Variants in PGGT1B observed in about 807,000 individuals in gnomAD.
PGGT1B encodes the protein protein geranylgeranyltransferase type I subunit beta, also known as geranylgeranyl transferase type-1 subunit beta.
Under a neutral mutation model 46.1 loss-of-function variants are expected in PGGT1B, and 30 were observed. The observed-to-expected ratio is 0.65, with a 90% CI of 0.49 to 0.88. PGGT1B has a LOEUF of 0.88. PGGT1B is among the 40% of genes least tolerant of loss of function. The pLI is 0.00. For synonymous variants in PGGT1B, 170 were observed against 160.0 expected (o/e 1.06, Z -0.47); for missense variants, 376 against 455.9 (o/e 0.82, Z 1.60).
intron 6 of PGGT1B, among the ~76,000 whole-genome samples, chr5:115,230,323 C>T (rs1180117648): frequency 6.6e-6 from 1 of 152,114 alleles, no homozygotes; most frequent in East Asian, 1.9e-4. Flanking sequence ...GTGAAATTCA[C>T]TCAGAGAGTC....
At chr5:115,262,505 G>A (rs1748604319) in intron 1 of PGGT1B, 1 of 552,288 alleles carries the variant, frequency 1.8e-6, no homozygotes, top group Non-Finnish European at 3.2e-6. Flanking sequence ...AACTGGAGAT[G>A]CCACAGCCCT....
intron 6 of PGGT1B, among the ~76,000 whole-genome samples, chr5:115,225,093 T>C (rs1343795781): frequency 6.6e-6 from 1 of 152,196 alleles, no homozygotes; most frequent in East Asian, 1.9e-4. Flanking sequence ...TATAATGATT[T>C]GAATTCATCA....
At chr5:115,262,622 TC>T (rs1748613253) in intron 1 of PGGT1B, 89 bp downstream of exon 1, 1 of 1,443,524 alleles carries the variant, frequency 6.9e-7, no homozygotes, top group Non-Finnish European at 9.4e-7. Flanking sequence ...GCAGCCCCCT[TC>T]CGGCGCCCAG....
At chr5:115,222,948 TCACA>T (rs1343048769) in intron 6 of PGGT1B, among the ~76,000 whole-genome samples, 1 of 151,980 alleles carries the variant, frequency 6.6e-6, no homozygotes, top group East Asian at 1.9e-4. Flanking sequence ...GTGGGGAACA[TCACA>T]CACCGGGGCC....
At chr5:115,236,548 T>G in intron 4 of PGGT1B, 26 bp from the exon 5 acceptor site, 1 of 1,496,044 alleles carries the variant, frequency 6.7e-7, no homozygotes, top group Non-Finnish European at 8.9e-7. Context: ...ACAATATGAT[T>G]TTCTATTAAC....
In PGGT1B at chr5:115,238,017, C is replaced by A; in HGVS notation, c.328-8G>T. 2 of 1,579,422 alleles carry A rather than the reference C, an allele frequency of 1.3e-6. No homozygotes were observed. Among genetic ancestry groups the A allele is most frequent in the Non-Finnish European group, 1.7e-6 (2 of 1,162,734 alleles). ...ATGAGCTGTTCCAGGAGCCTAAATA[C>A]AAAATTAATATAGTACTAATTAATG... On this transcript the variant is annotated splice_polypyrimidine_tract_variant and splice_region_variant and intron_variant, in intron 3 of 8. Coordinates refer to ENST00000419445, the MANE Select transcript of PGGT1B (RefSeq NM_005023.4).
In PGGT1B at chr5:115,217,299, C is replaced by CTCT. The variant is rs1370280586; in HGVS notation, c.844-327_844-326insAGA. Among the ~76,000 whole-genome samples, 58 of 151,936 alleles carry CTCT rather than the reference C, an allele frequency of 3.8e-4. 1 individual carries two copies. Among genetic ancestry groups the CTCT allele is most frequent in the Non-Finnish European group, 7.2e-4 (49 of 67,818 alleles). On this transcript the variant is annotated intron_variant, in intron 7 of 8. Transcript: ENST00000419445. ...ATTTTAAAAAGTACAATTTTATCTACCCATATTTTAACTCTTATGATAAGC... is the reference window on the plus strand; with the variant it reads ...ATTTTAAAAAGTACAATTTTATCTACTCTCCATATTTTAACTCTTATGATAAGC...
Position 115,260,044 on chromosome 5 carries a change from C to A in PGGT1B, c.140+2668G>T, listed in dbSNP as rs916941184. Among the ~76,000 whole-genome samples, 67 of 152,228 alleles carry A rather than the reference C, an allele frequency of 4.4e-4. 1 individual carries two copies. The highest frequency in any genetic ancestry group is 2.8e-4 in the Non-Finnish European group (19 of 68,008). The stretch of plus-strand genomic sequence containing the variant: ...ACCTGGTAATTGATAAAGCTCCCAA[C>A]CCAAGATTTAATATTCACTTGGATT... On this transcript the variant is annotated intron_variant, in intron 1 of 8. Coordinates refer to ENST00000419445, the MANE Select transcript of PGGT1B (RefSeq NM_005023.4).
At chr5:115,251,787 C>G (rs1748113406) in intron 2 of PGGT1B, among the ~76,000 whole-genome samples, 1 of 151,570 alleles carries the variant, frequency 6.6e-6, no homozygotes, top group East Asian at 1.9e-4. Context: ...CTATCTGTAC[C>G]ATGTAAGATA....
intron 2 of PGGT1B, among the ~76,000 whole-genome samples, chr5:115,250,391 G>A (rs1748039914): frequency 1.3e-5 from 2 of 152,298 alleles, no homozygotes; most frequent in Non-Finnish European, 2.9e-5. Context: ...TGATTTAATA[G>A]TCTAACAACT....
intron 4 of PGGT1B, among the ~76,000 whole-genome samples, chr5:115,237,469 A>C (rs1000153896): frequency 6.6e-6 from 1 of 152,182 alleles, no homozygotes; most frequent in Non-Finnish European, 1.5e-5. Context: ...GGAATACAAT[A>C]TTCAGTGTTC....
At chr5:115,215,242 C>A (rs1756378274) in intron 8 of PGGT1B, among the ~76,000 whole-genome samples, 1 of 152,118 alleles carries the variant, frequency 6.6e-6, no homozygotes, top group South Asian at 2.1e-4. Flanking sequence ...AAGTGATTCA[C>A]CAGCATCAGC....
intron 2 of PGGT1B, among the ~76,000 whole-genome samples, chr5:115,251,068 A>G (rs1748072432): frequency 6.6e-6 from 1 of 152,162 alleles, no homozygotes; most frequent in South Asian, 2.1e-4. Flanking sequence ...ATACTGTTAT[A>G]AACATGCTAG....
At chr5:115,244,859 G>A (rs1747753785) in intron 2 of PGGT1B, among the ~76,000 whole-genome samples, 1 of 152,062 alleles carries the variant, frequency 6.6e-6, no homozygotes, top group South Asian at 2.1e-4. Context: ...CCAAAGTACT[G>A]GGATTACAGG....
At chr5:115,234,215 C>CAAAAAAAAA (rs34000456) in intron 5 of PGGT1B, among the ~76,000 whole-genome samples, 1 of 140,070 alleles carries the variant, frequency 7.1e-6, no homozygotes, top group Non-Finnish European at 1.6e-5. Context: ...AAGCAAACAG[C>CAAAAAAAAA]AAAAAAAAAA....
intron 7 of PGGT1B, among the ~76,000 whole-genome samples, chr5:115,220,387 T>C (rs1756551212): frequency 6.6e-6 from 1 of 151,834 alleles, no homozygotes; most frequent in Non-Finnish European, 1.5e-5. Flanking sequence ...CTATATGAGG[T>C]ACCTAGAATA....
Position 115,212,443 on chromosome 5 carries a change from C to G in PGGT1B, c.1093G>C (p.Asp365His). 1 of 1,578,796 alleles carries G rather than the reference C, an allele frequency of 6.3e-7. No homozygotes were observed. The highest frequency in any genetic ancestry group is 8.6e-7 in the Non-Finnish European group (1 of 1,156,268). The change falls in exon 9 of 9, where the codon GAC becomes CAC. Residue 365 changes from aspartate to histidine, a missense_variant. Physicochemically the swap from Asp to His is moderately conservative, Grantham distance 81 (BLOSUM62 -1). Transcript: ENST00000419445. The stretch of plus-strand genomic sequence containing the variant: ...ACATTCTCTGAGCATTGTTTAGAGT[C>G]CTTGGTTTTCCAGCTTTGATGGAGA... ...LDLHQSWKTKDSKQCSENVHI... is the reference protein window; with the variant it reads ...LDLHQSWKTKHSKQCSENVHI...
chr5:115,209,073 G>A lies in PGGT1B; in HGVS notation c.*3329C>T, dbSNP rs895895320. On this transcript the variant is annotated 3_prime_UTR_variant, in exon 9 of 9. Transcript: ENST00000419445. ...TAGGAGGAAGGAGTGGCTCTAGGAT[G>A]ACTTCACAGCCTTAGAGCTCCCATT... The A allele has an allele frequency of 2.0e-5, 3 of 151,904 alleles. No homozygotes were observed. Among genetic ancestry groups the A allele is most frequent in the Admixed American group, 6.6e-5 (1 of 15,210 alleles). The allele number at this position is 151,904 out of a possible 1,614,324, so 9.4% of individuals were successfully genotyped here.
At chr5:115,252,752 CT>C (rs1312389743) in intron 2 of PGGT1B, 1 of 156,396 alleles carries the variant, frequency 6.4e-6, no homozygotes, top group South Asian at 1.9e-4. Context: ...TGAAAGAAAA[CT>C]TTTCGATGGC....
Sources: allele counts gnomAD v4.1 joint callset (sites outside exome capture counted in the v4.1 genomes callset), GRCh38; gene constraint gnomAD v4.1.1; transcripts MANE v1.5; gene names NCBI Gene and HGNC (gene_info 2026-07-23, HGNC 2026-07-21).